Variants in ASTN2 observed in about 807,000 individuals in gnomAD.
ASTN2 encodes the protein astrotactin-2.
In ASTN2, 54 loss-of-function variants were observed where a neutral mutation model predicts 139.8. That is an observed-to-expected ratio of 0.39 (90% CI 0.31 to 0.48). The LOEUF is 0.48. ASTN2 is among the 20% of genes least tolerant of loss of function. ASTN2 has a pLI of 0.95. For synonymous variants in ASTN2, 756 were observed against 719.5 expected (o/e 1.05, Z -0.81); for missense variants, 1,565 against 1,725.1 (o/e 0.91, Z 1.64).
chr9:116,926,656 C>A (rs1172457956), intron 10 of ASTN2, among the ~76,000 whole-genome samples: 1 of 152,148 alleles, frequency 6.6e-6, no homozygotes, highest in South Asian at 2.1e-4. Context: ...TCTTATGGAC[C>A]TTATATACTT....
chr9:116,481,597 T>G (rs949303272), intron 20 of ASTN2, among the ~76,000 whole-genome samples: 4 of 152,164 alleles, frequency 2.6e-5, no homozygotes, highest in African/African-American at 9.7e-5. Flanking sequence ...TGATAACCCT[T>G]CACACGTGTA....
At chr9:117,217,022 C>A (rs920309317) in intron 2 of ASTN2, among the ~76,000 whole-genome samples, 1 of 152,144 alleles carries the variant, frequency 6.6e-6, no homozygotes, top group Admixed American at 6.5e-5. Flanking sequence ...CAGCTGGATT[C>A]AAAGGGCCAG....
At chr9:116,848,979 A>G (rs1243145816) in intron 11 of ASTN2, among the ~76,000 whole-genome samples, 1 of 152,164 alleles carries the variant, frequency 6.6e-6, no homozygotes, top group African/African-American at 2.4e-5. Context: ...GGTTCCCACA[A>G]TCCCTTCCTT....
At chr9:117,252,996 C>T (rs1012766702) in intron 2 of ASTN2, among the ~76,000 whole-genome samples, 3 of 152,110 alleles carry the variant, frequency 2.0e-5, no homozygotes, top group South Asian at 2.1e-4. Flanking sequence ...GTCATAGCAT[C>T]CTCTGTGAAA....
At chr9:117,389,659 A>G (rs1349652205) in intron 1 of ASTN2, among the ~76,000 whole-genome samples, 1 of 152,092 alleles carries the variant, frequency 6.6e-6, no homozygotes, top group East Asian at 1.9e-4. Flanking sequence ...CTATCCATTT[A>G]TTTGCTCCTT....
intron 19 of ASTN2, among the ~76,000 whole-genome samples, chr9:116,598,954 C>T (rs561942367): frequency 2.6e-5 from 4 of 152,272 alleles, no homozygotes; most frequent in East Asian, 3.9e-4. Context: ...TAAATAATGG[C>T]GAATGGCAGG....
chr9:117,268,901 G>A (rs1188715338), intron 2 of ASTN2, among the ~76,000 whole-genome samples: 1 of 152,156 alleles, frequency 6.6e-6, no homozygotes, highest in Non-Finnish European at 1.5e-5. Flanking sequence ...CATGCTGAGC[G>A]GGTTGTTCAA....
At chr9:117,379,596 T>A (rs1288744159) in intron 1 of ASTN2, among the ~76,000 whole-genome samples, 1 of 152,198 alleles carries the variant, frequency 6.6e-6, no homozygotes, top group Non-Finnish European at 1.5e-5. Flanking sequence ...AACAAACATT[T>A]ACTGAGTTTG....
chr9:116,554,164 A>G (rs1299218122), intron 19 of ASTN2, among the ~76,000 whole-genome samples: 1 of 152,208 alleles, frequency 6.6e-6, no homozygotes, highest in Non-Finnish European at 1.5e-5. Flanking sequence ...ATGCAGTGGT[A>G]GATAGAATGC....
chr9:117,008,048 A>C, intron 7 of ASTN2, 44 bp downstream of exon 7: 3 of 1,500,100 alleles, frequency 2.0e-6, no homozygotes, highest in Non-Finnish European at 2.7e-6. Context: ...CTTTCAACCC[A>C]GCCTCTCCCA....
intron 13 of ASTN2, among the ~76,000 whole-genome samples, chr9:116,744,623 G>A (rs893626422): frequency 6.6e-6 from 1 of 152,108 alleles, no homozygotes; most frequent in Non-Finnish European, 1.5e-5. Context: ...CACGTGGTGG[G>A]GAGTAAAAGA....
In ASTN2 at chr9:116,449,127, C is replaced by T. The variant is rs372859445; in HGVS notation, c.3498-6574G>A. On this transcript the variant is annotated intron_variant, in intron 20 of 22. Transcript: ENST00000313400. The stretch of plus-strand genomic sequence containing the variant: ...GTTTCTTGTCTTTAAAGTGTGTGGC[C>T]GGGCGTGGTGGCTCACAACTGTAGT... 2.5e-4 allele frequency among the ~76,000 whole-genome samples: 38 copies of T among 152,194 alleles called. No individual in the cohort carries two copies. In the South Asian group the frequency reaches 3.5e-3, roughly 14 times the overall value.
chr9:116,554,911 C>G (rs898784648), intron 19 of ASTN2, among the ~76,000 whole-genome samples: 41 of 152,058 alleles, frequency 2.7e-4, no homozygotes, highest in African/African-American at 9.4e-4. Context: ...GAAGGTGATG[C>G]TCAGATGAGA....
chr9:116,861,973 CT>C (rs56282333), intron 11 of ASTN2, among the ~76,000 whole-genome samples: 16,948 of 133,478 alleles, frequency 0.13, 879 homozygotes, highest in South Asian at 0.23. Flanking sequence ...TTTCCTTCTT[CT>C]TTTTTTTTTT....
chr9:116,948,785 G>GGTTTTTTTTTTTGTTTTTT (rs1835470645), intron 10 of ASTN2, among the ~76,000 whole-genome samples: 1 of 49,472 alleles, frequency 2.0e-5, no homozygotes, highest in African/African-American at 8.6e-5. Flanking sequence ...ATAATTTGGT[G>GGTTTTTTTTTTTGTTTTTT]TTTTTTTTTT....
chr9:116,717,317 A>G (rs1298428776), intron 16 of ASTN2, among the ~76,000 whole-genome samples: 3 of 152,016 alleles, frequency 2.0e-5, no homozygotes, highest in Admixed American at 6.6e-5. Context: ...TGGTAATTTC[A>G]TCTTGTGGAA....
intron 4 of ASTN2, among the ~76,000 whole-genome samples, chr9:117,132,446 T>A (rs1829849382): frequency 6.6e-6 from 1 of 152,124 alleles, no homozygotes; most frequent in East Asian, 1.9e-4. Flanking sequence ...TAGAGTTGTA[T>A]CCCTAGGCCC....
chr9:116,620,163 T>C (rs1856061516), intron 18 of ASTN2, 147 bp downstream of exon 18: 1 of 1,134,404 alleles, frequency 8.8e-7, no homozygotes, highest in Admixed American at 2.6e-5. Context: ...CTCCCTTCTT[T>C]CCTAAAAAAG....
chr9:117,254,665 T>C (rs922181432), intron 2 of ASTN2, among the ~76,000 whole-genome samples: 1 of 152,250 alleles, frequency 6.6e-6, no homozygotes, highest in Non-Finnish European at 1.5e-5. Context: ...GACAGTTGTA[T>C]ATATGTGTAT....
Sources: gnomAD v4.1 joint callset for allele counts (sites outside exome capture counted in the v4.1 genomes callset) on GRCh38, gnomAD v4.1.1 for gene constraint, MANE v1.5 for transcripts, NCBI Gene and HGNC (gene_info 2026-07-23, HGNC 2026-07-21) for gene names.